ASPRV1: variants seen among roughly 807,000 people sequenced by gnomAD.
ASPRV1 encodes retroviral-like aspartic protease 1.
Under a neutral mutation model 11.0 loss-of-function variants are expected in ASPRV1, and 7 were observed. The observed-to-expected ratio is 0.64, with a 90% CI of 0.36 to 1.20. ASPRV1 has a LOEUF of 1.20. Ranked by LOEUF, ASPRV1 falls within the 50% of genes most tolerant of loss-of-function variation. The pLI, the probability that ASPRV1 is intolerant of heterozygous loss-of-function variation, is 0.02. For missense variants in ASPRV1, 299 were observed against 320.0 expected (o/e 0.93, Z 0.50); for synonymous variants, 136 against 138.4 (o/e 0.98, Z 0.12).
the ASPRV1 span, among the ~76,000 whole-genome samples, chr2:70,039,060 C>T: frequency 4.2e-4 from 59 of 140,854 alleles, no homozygotes; most frequent in African/African-American, 1.4e-3. Flanking sequence ...GCCGGGGCAA[C>T]GAAAGCAAAA....
At chr2:70,057,671 G>A in the ASPRV1 span, among the ~76,000 whole-genome samples, 5 of 151,526 alleles carry the variant, frequency 3.3e-5, no homozygotes, top group African/African-American at 9.7e-5. Context: ...TAAAGATGGG[G>A]TTTCATCATT....
chr2:70,044,083 C>A, the ASPRV1 span, among the ~76,000 whole-genome samples: 1 of 152,138 alleles, frequency 6.6e-6, no homozygotes. Context: ...CCTATCCCTT[C>A]CTCAGTCTGG....
the ASPRV1 span, among the ~76,000 whole-genome samples, chr2:70,066,981 G>T: frequency 6.6e-6 from 1 of 152,128 alleles, no homozygotes; most frequent in South Asian, 2.1e-4. Flanking sequence ...AAGCAGTGAT[G>T]ATAATGGATT....
chr2:70,085,350 C>CA, the ASPRV1 span, among the ~76,000 whole-genome samples: 2 of 152,300 alleles, frequency 1.3e-5, no homozygotes, highest in African/African-American at 4.8e-5. Context: ...CATAAGACAG[C>CA]ATTTCAGCCC....
At chr2:70,063,040 T>C in the ASPRV1 span, among the ~76,000 whole-genome samples, 5 of 152,134 alleles carry the variant, frequency 3.3e-5, no homozygotes, top group African/African-American at 1.2e-4. Context: ...GACCAGGCCA[T>C]AGACTGCCCA....
the ASPRV1 span, chr2:70,070,414 C>T: frequency 6.6e-6 from 1 of 152,110 alleles, no homozygotes; most frequent in Non-Finnish European, 1.5e-5. Context: ...ACCACAATAT[C>T]ATTCATACAC....
At chr2:70,028,874 G>A in the ASPRV1 span, among the ~76,000 whole-genome samples, 7 of 151,960 alleles carry the variant, frequency 4.6e-5, no homozygotes, top group East Asian at 1.9e-4. Context: ...CCCAGGAGGC[G>A]GAGGGTGCAG....
At chr2:70,041,723 A>G in the ASPRV1 span, among the ~76,000 whole-genome samples, 1 of 152,192 alleles carries the variant, frequency 6.6e-6, no homozygotes. Flanking sequence ...CAATCTAGGG[A>G]AGAGAGCCTC....
the ASPRV1 span, chr2:70,087,208 T>A: frequency 6.6e-6 from 1 of 152,130 alleles, no homozygotes; most frequent in Non-Finnish European, 1.5e-5. Flanking sequence ...ACAGCACTAG[T>A]ATTTTCAGTC....
the ASPRV1 span, chr2:70,046,158 C>G: frequency 2.0e-5 from 3 of 152,244 alleles, no homozygotes; most frequent in Non-Finnish European, 4.4e-5. Context: ...CTCTAGTCAG[C>G]ACATGTCACT....
the ASPRV1 span, among the ~76,000 whole-genome samples, chr2:70,074,832 C>T: frequency 9.4e-5 from 14 of 149,358 alleles, no homozygotes; most frequent in Non-Finnish European, 1.8e-4. Flanking sequence ...AGCATGAACT[C>T]GGGGCCAGGC....
chr2:70,078,939 A>T, the ASPRV1 span, among the ~76,000 whole-genome samples: 1 of 152,180 alleles, frequency 6.6e-6, no homozygotes, highest in Non-Finnish European at 1.5e-5. Flanking sequence ...GGTGGTGGGA[A>T]GTGTTTAAAT....
the ASPRV1 span, chr2:70,049,544 T>A: frequency 6.6e-6 from 1 of 152,074 alleles, no homozygotes; most frequent in Admixed American, 6.5e-5. Context: ...GTACCCCTTA[T>A]CAATATCCCA....
chr2:69,954,977 C>A, the ASPRV1 span, among the ~76,000 whole-genome samples: 1 of 152,240 alleles, frequency 6.6e-6, no homozygotes, highest in Non-Finnish European at 1.5e-5. Flanking sequence ...GTTCTCCAGG[C>A]TTGGGGGTTA....
chr2:69,968,839 C>T, the ASPRV1 span, among the ~76,000 whole-genome samples: 2 of 152,242 alleles, frequency 1.3e-5, no homozygotes, highest in African/African-American at 2.4e-5. Flanking sequence ...GTCTGTGTGG[C>T]GGCTGCTGAA....
At chr2:70,062,141 T>TA in the ASPRV1 span, among the ~76,000 whole-genome samples, 1,232 of 142,110 alleles carry the variant, frequency 8.7e-3, 6 homozygotes, top group Non-Finnish European at 0.013. Context: ...TACAAAAAAT[T>TA]AAAAAAAAAA....
At chr2:70,038,456 G>GTT in the ASPRV1 span, among the ~76,000 whole-genome samples, 1 of 152,156 alleles carries the variant, frequency 6.6e-6, no homozygotes, top group Non-Finnish European at 1.5e-5. Flanking sequence ...GTGATCACCT[G>GTT]TAAGTGCTAG....
the ASPRV1 span, among the ~76,000 whole-genome samples, chr2:69,951,064 A>G: frequency 2.0e-5 from 3 of 152,036 alleles, no homozygotes; most frequent in African/African-American, 7.2e-5. Flanking sequence ...AAAGGTCTGG[A>G]AAAATACACC....
At chr2:70,041,484 T>C in the ASPRV1 span, among the ~76,000 whole-genome samples, 1 of 152,200 alleles carries the variant, frequency 6.6e-6, no homozygotes, top group African/African-American at 2.4e-5. Context: ...AAAAAAATTA[T>C]AGTCTGGACT....
Sources: gnomAD v4.1 joint callset for allele counts (sites outside exome capture counted in the v4.1 genomes callset) on GRCh38, gnomAD v4.1.1 for gene constraint, MANE v1.5 for transcripts, NCBI Gene and HGNC (gene_info 2026-07-23, HGNC 2026-07-21) for gene names.